RIMS4: variants seen among roughly 807,000 people sequenced by gnomAD.
RIMS4 encodes the protein regulating synaptic membrane exocytosis protein 4.
Under a neutral mutation model 29.0 loss-of-function variants are expected in RIMS4, and 9 were observed. The ratio of observed to expected loss-of-function variants is 0.31; its 90% CI spans 0.19 to 0.54. RIMS4 has a LOEUF of 0.54. Ranked by LOEUF, RIMS4 falls within the 20% of genes least tolerant of loss-of-function variation. The pLI, the probability that RIMS4 is intolerant of heterozygous loss-of-function variation, is 0.94. For missense variants in RIMS4, 193 were observed against 365.7 expected (o/e 0.53, Z 3.85); for synonymous variants, 130 against 152.9 (o/e 0.85, Z 1.10).
chr20:44,808,454 G>T (rs1016700160), intron 1 of RIMS4, among the ~76,000 whole-genome samples: 2 of 152,134 alleles, frequency 1.3e-5, no homozygotes, highest in Non-Finnish European at 2.9e-5. Context: ...CTCCTGCCCA[G>T]CCTGGCTCTT....
chr20:44,771,862 T>C (rs1459340481), intron 1 of RIMS4, among the ~76,000 whole-genome samples: 4 of 152,098 alleles, frequency 2.6e-5, no homozygotes, highest in African/African-American at 9.7e-5. Context: ...TGTCTAACAG[T>C]ATCCCTGGCC....
chr20:44,807,722 T>A (rs368019873), intron 1 of RIMS4, among the ~76,000 whole-genome samples: 2 of 152,294 alleles, frequency 1.3e-5, no homozygotes, highest in South Asian at 2.1e-4. Flanking sequence ...AATTAATGAC[T>A]TTAAGGAGAA....
At chr20:44,763,832 A>G (rs1204173956) in intron 2 of RIMS4, among the ~76,000 whole-genome samples, 1 of 152,208 alleles carries the variant, frequency 6.6e-6, no homozygotes, top group Non-Finnish European at 1.5e-5. Flanking sequence ...CACTCGTCTC[A>G]ACAGCATCAG....
chr20:44,777,627 C>T (rs1175675386), intron 1 of RIMS4, among the ~76,000 whole-genome samples: 4 of 152,282 alleles, frequency 2.6e-5, no homozygotes, highest in African/African-American at 9.6e-5. Context: ...TCATCATATA[C>T]TCTTAACCAC....
At chr20:44,791,430 T>C (rs1375936264) in intron 1 of RIMS4, among the ~76,000 whole-genome samples, 4 of 152,174 alleles carry the variant, frequency 2.6e-5, no homozygotes. Context: ...AAAGTGGGAA[T>C]AGCGACAGAA....
intron 2 of RIMS4, among the ~76,000 whole-genome samples, chr20:44,763,216 C>T (rs547805935): frequency 6.6e-6 from 1 of 152,192 alleles, no homozygotes; most frequent in Non-Finnish European, 1.5e-5. Flanking sequence ...ACCCTGGATG[C>T]CAGTACTGTA....
At chr20:44,801,067 T>C (rs1328100369) in intron 1 of RIMS4, among the ~76,000 whole-genome samples, 1 of 152,222 alleles carries the variant, frequency 6.6e-6, no homozygotes, top group Non-Finnish European at 1.5e-5. Context: ...GTATCTCTAA[T>C]TCCATTTTGC....
At chr20:44,804,029 T>C (rs1336271463) in intron 1 of RIMS4, among the ~76,000 whole-genome samples, 1 of 152,290 alleles carries the variant, frequency 6.6e-6, no homozygotes, top group African/African-American at 2.4e-5. Context: ...CAGGATCTCA[T>C]TTCATGCCCA....
rs1441604770 is a variant in RIMS4, at chr20:44,756,390, G to A, written c.592-38C>T. 1.3e-6 allele frequency: 2 copies of A among 1,574,314 alleles called. No homozygotes were observed. Among genetic ancestry groups the A allele is most frequent in the East Asian group, 4.6e-5 (2 of 43,554 alleles). On this transcript the variant is annotated intron_variant, in intron 5 of 5. Transcript: ENST00000372851. This position sits in a 1 kb window ranked among gnomAD's most constrained non-coding sequence, Gnocchi z 5.9. The stretch of plus-strand genomic sequence containing the variant: ...AGACACAGTGGTTCAAATCCTGCCA[G>A]TGCCACTCACAGGCCCAGAAGCAGA...
chr20:44,771,554 T>C, intron 1 of RIMS4, 141 bp from the exon 2 acceptor site: 1 of 808,496 alleles, frequency 1.2e-6, no homozygotes. Context: ...ATCAACCTCC[T>C]CAGACTCCTG....
At chr20:44,773,738 A>T (rs1269614854) in intron 1 of RIMS4, among the ~76,000 whole-genome samples, 2 of 152,200 alleles carry the variant, frequency 1.3e-5, no homozygotes, top group African/African-American at 4.8e-5. Context: ...CCCTCAAAGC[A>T]GTTCCCAACC....
rs562576365 is a variant in RIMS4, at chr20:44,776,020, C to T, written c.98-4607G>A. Among the ~76,000 whole-genome samples, 8 of 150,946 alleles carry T rather than the reference C, an allele frequency of 5.3e-5. No individual in the cohort carries two copies. In the South Asian group the frequency reaches 1.0e-3, roughly 20 times the overall value. Reference sequence around the variant, plus strand: ...TTAGCCAGGCGTGGTGGCTCATGCCCGTAATCCCAGCACTTTGAAAGACCC... The same window carrying T: ...TTAGCCAGGCGTGGTGGCTCATGCCTGTAATCCCAGCACTTTGAAAGACCC... On this transcript the variant is annotated intron_variant, in intron 1 of 5. Transcript: ENST00000372851.
At chr20:44,788,261 T>TC (rs1294538906) in intron 1 of RIMS4, among the ~76,000 whole-genome samples, 1 of 152,170 alleles carries the variant, frequency 6.6e-6, no homozygotes, top group African/African-American at 2.4e-5. Flanking sequence ...AAGAATTCAG[T>TC]CCTCAGTTGC....
At chr20:44,785,399 C>T (rs954117555) in intron 1 of RIMS4, among the ~76,000 whole-genome samples, 5 of 152,096 alleles carry the variant, frequency 3.3e-5, no homozygotes, top group African/African-American at 9.7e-5. Context: ...TTTGTAGAGA[C>T]AGGGTCTCGC....
chr20:44,794,372 C>T (rs889614113), intron 1 of RIMS4, among the ~76,000 whole-genome samples: 6 of 152,186 alleles, frequency 3.9e-5, no homozygotes, highest in Non-Finnish European at 8.8e-5. Context: ...AGACCCCACT[C>T]CCAATTCCTG....
At chr20:44,788,941 T>A (rs1439124014) in intron 1 of RIMS4, among the ~76,000 whole-genome samples, 1 of 152,056 alleles carries the variant, frequency 6.6e-6, no homozygotes, top group Admixed American at 6.5e-5. Flanking sequence ...GAATTTACCA[T>A]GAAAATGTCT....
intron 1 of RIMS4, among the ~76,000 whole-genome samples, chr20:44,801,670 T>C (rs2066277858): frequency 6.6e-6 from 1 of 152,208 alleles, no homozygotes; most frequent in African/African-American, 2.4e-5. Context: ...CATGGCCTGA[T>C]GCATTGCTCA....
At chr20:44,773,156 A>G (rs1238756778) in intron 1 of RIMS4, among the ~76,000 whole-genome samples, 1 of 152,078 alleles carries the variant, frequency 6.6e-6, no homozygotes, top group East Asian at 1.9e-4. Context: ...GGGTCTCCAC[A>G]TGCCTGTCGC....
intron 1 of RIMS4, among the ~76,000 whole-genome samples, chr20:44,786,469 C>T (rs1270794281): frequency 3.9e-5 from 6 of 152,220 alleles, no homozygotes; most frequent in East Asian, 1.9e-4. Context: ...TTTGTTCATT[C>T]ATGCACCCCA....
Sources: gnomAD v4.1 joint callset for allele counts (sites outside exome capture counted in the v4.1 genomes callset) on GRCh38, gnomAD v4.1.1 for gene constraint, Gnocchi (gnomAD v3.1) non-coding constraint, MANE v1.5 for transcripts, NCBI Gene and HGNC (gene_info 2026-07-23, HGNC 2026-07-21) for gene names.